SLC37A3: variants seen among roughly 807,000 people sequenced by gnomAD.
SLC37A3 encodes the protein sugar phosphate exchanger 3.
SLC37A3 carries 51 observed loss-of-function variants against 67.1 expected under a neutral mutation model. That is an observed-to-expected ratio of 0.76 (90% CI 0.61 to 0.96). The LOEUF is 0.96. SLC37A3 is among the 40% of genes least tolerant of loss of function. The pLI is 0.00. For missense variants in SLC37A3, 508 were observed against 603.0 expected (o/e 0.84, Z 1.65); for synonymous variants, 214 against 231.4 (o/e 0.92, Z 0.68).
intron 7 of SLC37A3, among the ~76,000 whole-genome samples, chr7:140,353,206 G>C (rs1429649606): frequency 6.6e-6 from 1 of 152,012 alleles, no homozygotes; most frequent in African/African-American, 2.4e-5. Context: ...AGTCAAGCTG[G>C]GCACGGTGGC....
intron 6 of SLC37A3, among the ~76,000 whole-genome samples, chr7:140,357,119 AAGG>A (rs1797061783): frequency 6.6e-6 from 1 of 151,682 alleles, no homozygotes; most frequent in South Asian, 2.1e-4. Context: ...GAGGCTGAGG[AAGG>A]AGAATTGCTT....
At chr7:140,380,463 CCCATTTCTTTTATT>C (rs1798208341) in intron 2 of SLC37A3, 73 bp from the exon 3 acceptor site, 7 of 1,055,260 alleles carry the variant, frequency 6.6e-6, no homozygotes, top group Middle Eastern at 2.1e-4. Flanking sequence ...CAGGTATAGG[CCCATTTCTTTTATT>C]CAATTTTATT....
intron 9 of SLC37A3, among the ~76,000 whole-genome samples, chr7:140,349,060 G>A (rs996321072): frequency 1.3e-5 from 2 of 152,208 alleles, no homozygotes; most frequent in Admixed American, 6.5e-5. Flanking sequence ...TCTGGTAGAA[G>A]CAAGCCAGTG....
At chr7:140,384,551 AAACT>A (rs1798374547) in intron 1 of SLC37A3, among the ~76,000 whole-genome samples, 1 of 148,142 alleles carries the variant, frequency 6.8e-6, no homozygotes, top group Non-Finnish European at 1.5e-5. Flanking sequence ...ATCTCTACAA[AAACT>A]AAAAAAAAAA....
At chr7:140,356,032 T>C (rs1413466823) in intron 6 of SLC37A3, among the ~76,000 whole-genome samples, 1 of 151,706 alleles carries the variant, frequency 6.6e-6, no homozygotes, top group Non-Finnish European at 1.5e-5. Context: ...CCATCTCTAC[T>C]AAAAATACAA....
intron 1 of SLC37A3, 56 bp downstream of exon 1, chr7:140,398,360 T>C (rs1437309141): frequency 1.3e-5 from 2 of 152,150 alleles, no homozygotes; most frequent in Non-Finnish European, 2.9e-5. Context: ...GCCCCTCGGA[T>C]TGGACCCGCC....
chr7:140,351,975 A>G (rs1455216252), intron 8 of SLC37A3, 87 bp downstream of exon 8: 1 of 1,333,378 alleles, frequency 7.5e-7, no homozygotes, highest in Non-Finnish European at 1.1e-6. Flanking sequence ...TTTTCCTAGG[A>G]AAAAAGAGAT....
intron 1 of SLC37A3, among the ~76,000 whole-genome samples, chr7:140,396,097 C>T (rs67892123): frequency 0.11 from 16,219 of 151,708 alleles, 1,352 homozygotes; most frequent in South Asian, 0.25. Flanking sequence ...TTCACTGCAG[C>T]CTCAATCTCC....
chr7:140,362,201 C>T (rs1004389001), intron 5 of SLC37A3, among the ~76,000 whole-genome samples: 23 of 142,062 alleles, frequency 1.6e-4, no homozygotes, highest in African/African-American at 2.3e-4. Context: ...TCTGCCCCGC[C>T]GCCCTGTCTG....
At position 140,354,740 on chromosome 7, in the gene SLC37A3, GT is replaced by G. The variant is rs757344637; in HGVS notation, c.618+927del. 4.0e-3 allele frequency among the ~76,000 whole-genome samples: 503 copies of G among 124,362 alleles called. 2 individuals carry two copies. Among genetic ancestry groups the G allele is most frequent in the South Asian group, 0.019 (76 of 3,908 alleles). 81.6% of individuals were successfully genotyped at this position (124,362 alleles called of 152,430 possible). The stretch of plus-strand genomic sequence containing the variant: ...GGGGGATTAGTCTTTGCTTTTTGGT[GT>G]TTTTTTTTTTTTTTTTTGAGACAGG... On this transcript the variant is annotated intron_variant, in intron 7 of 14. Coordinates refer to ENST00000326232, the MANE Select transcript of SLC37A3 (RefSeq NM_207113.3).
Position 140,345,235 on chromosome 7 carries a change from G to T in SLC37A3, c.1155C>A (p.Ala385=). Residue 385 remains alanine, a synonymous_variant, in exon 12 of 15, where the codon GCC becomes GCA. Coordinates refer to ENST00000326232, the MANE Select transcript of SLC37A3 (RefSeq NM_207113.3). ...SRSPNDKSIN[A]LLMTVTGFFI... Reference sequence around the variant, plus strand: ...CCGTACCTGTAACAGTCATCAGAAGGGCATTGATGGACTTATCATTTGGAG... The same window carrying T: ...CCGTACCTGTAACAGTCATCAGAAGTGCATTGATGGACTTATCATTTGGAG... The T allele has an allele frequency of 2.5e-6, 4 of 1,614,028 alleles. No individual in the cohort carries two copies. The highest frequency in any genetic ancestry group is 3.4e-6 in the Non-Finnish European group (4 of 1,179,922).
chr7:140,387,223 C>T (rs1798488581), intron 1 of SLC37A3, among the ~76,000 whole-genome samples: 1 of 151,924 alleles, frequency 6.6e-6, no homozygotes, highest in South Asian at 2.1e-4. Context: ...GTAATATCAG[C>T]AATTTGGGAG....
chr7:140,361,691 GGC>G (rs1797303659), intron 5 of SLC37A3, among the ~76,000 whole-genome samples: 1 of 150,658 alleles, frequency 6.6e-6, no homozygotes, highest in South Asian at 2.1e-4. Flanking sequence ...TGCGATTGCA[GGC>G]GCGCGCCGCC....
intron 5 of SLC37A3, among the ~76,000 whole-genome samples, chr7:140,364,011 C>T (rs1236129978): frequency 2.6e-5 from 4 of 152,182 alleles, no homozygotes; most frequent in Non-Finnish European, 4.4e-5. Context: ...AATCCCAGCA[C>T]TTTGGGAGGC....
chr7:140,395,644 G>A (rs562052530), intron 1 of SLC37A3, among the ~76,000 whole-genome samples: 20 of 152,100 alleles, frequency 1.3e-4, no homozygotes, highest in East Asian at 1.2e-3. Flanking sequence ...GGAGGCGGAG[G>A]TTGCAGTGAA....
At position 140,334,670 on chromosome 7, in the gene SLC37A3, C is replaced by T. The variant is rs1270506910; in HGVS notation, c.*742G>A. 1 of 155,324 alleles carries T rather than the reference C, an allele frequency of 6.4e-6. No homozygotes were observed. Among genetic ancestry groups the T allele is most frequent in the Admixed American group, 6.3e-5 (1 of 15,910 alleles). 9.6% of individuals were successfully genotyped at this position (155,324 alleles called of 1,614,324 possible). A position where few individuals can be genotyped will look rare whatever the true frequency, so the allele number is the denominator to read the frequency against. On this transcript the variant is annotated 3_prime_UTR_variant, in exon 15 of 15. Coordinates refer to ENST00000326232, the MANE Select transcript of SLC37A3 (RefSeq NM_207113.3). ...TTACACGTCAGAATGTTCAAGATAA[C>T]TGATGTACCTTATGGTCCTTGAAAG... is the stretch of plus-strand genomic sequence containing the variant.
chr7:140,357,670 A>C (rs1248883692), intron 6 of SLC37A3, among the ~76,000 whole-genome samples: 1 of 152,102 alleles, frequency 6.6e-6, no homozygotes, highest in East Asian at 1.9e-4. Flanking sequence ...TAATCCCAGC[A>C]CTTTGGAAGG....
chr7:140,358,955 TGAG>T (rs1259335462), intron 5 of SLC37A3, among the ~76,000 whole-genome samples, 170 bp from the exon 6 acceptor site: 4 of 152,148 alleles, frequency 2.6e-5, no homozygotes, highest in Middle Eastern at 3.4e-3. Context: ...AGAGCCACAG[TGAG>T]GAGGCAGCCA....
intron 13 of SLC37A3, among the ~76,000 whole-genome samples, chr7:140,343,185 A>G (rs1325115331): frequency 6.6e-6 from 1 of 152,224 alleles, no homozygotes; most frequent in Non-Finnish European, 1.5e-5. Flanking sequence ...ATTTGCAGAC[A>G]GGAAGAATCT....
Sources: allele counts gnomAD v4.1 joint callset (sites outside exome capture counted in the v4.1 genomes callset), GRCh38; gene constraint gnomAD v4.1.1; transcripts MANE v1.5; gene names NCBI Gene and HGNC (gene_info 2026-07-23, HGNC 2026-07-21).